OR6N1: variants seen among roughly 807,000 people sequenced by gnomAD.
OR6N1 encodes olfactory receptor 6N1.
For missense variants in OR6N1, 394 were observed against 371.7 expected, an observed-to-expected ratio of 1.06 and a Z score of -0.49; for synonymous variants, 170 against 150.7, an observed-to-expected ratio of 1.13 and a Z score of -0.94.
chr1:158,828,518 T>C, the OR6N1 span, among the ~76,000 whole-genome samples: 11 of 152,222 alleles, frequency 7.2e-5, no homozygotes, highest in Admixed American at 1.3e-4. Flanking sequence ...CCAGGTCATA[T>C]TGATGCAAGA....
chr1:158,814,237 A>G, the OR6N1 span, among the ~76,000 whole-genome samples: 27 of 152,146 alleles, frequency 1.8e-4, no homozygotes, highest in African/African-American at 6.5e-4. Flanking sequence ...TGATTTTAAT[A>G]TTTGGGTAAG....
the OR6N1 span, among the ~76,000 whole-genome samples, chr1:158,784,322 G>T: frequency 5.3e-4 from 80 of 152,134 alleles, no homozygotes; most frequent in East Asian, 0.015. Flanking sequence ...TATTTATAGG[G>T]TAGAGTGCGA....
At chr1:158,780,029 G>C in the OR6N1 span, among the ~76,000 whole-genome samples, 1 of 152,114 alleles carries the variant, frequency 6.6e-6, no homozygotes, top group Non-Finnish European at 1.5e-5. Flanking sequence ...CTAAATTTAA[G>C]TTACATTTTC....
rs1188314357 is a variant in OR6N1 at position 158,764,774 on chromosome 1, G to A, written c.*970C>T. 1.3e-5 allele frequency: 2 copies of A among 152,096 alleles called. No homozygotes were observed. The highest frequency in any genetic ancestry group is 2.9e-5 in the Non-Finnish European group (2 of 67,986). The allele number at this position is 152,096 out of a possible 1,614,324, so 9.4% of individuals were successfully genotyped here. A position where few individuals can be genotyped will look rare whatever the true frequency, so the allele number is the denominator to read the frequency against. ...CAATTCAATAAAGAAATGGTTCGAT[G>A]TAAAAAGTAATCCTATTTCTTTCCA... On this transcript the variant is annotated 3_prime_UTR_variant, in exon 2 of 2. Coordinates refer to ENST00000641846, the MANE Select transcript of OR6N1 (RefSeq NM_001005185.2).
At chr1:158,772,219 A>G (rs1167455889), upstream of OR6N1, 1 of 152,174 alleles carries the variant, frequency 6.6e-6, no homozygotes, top group African/African-American at 2.4e-5. Flanking sequence ...TTAAACCATA[A>G]AACAAATTCT....
the OR6N1 span, among the ~76,000 whole-genome samples, chr1:158,792,147 G>GTAAC: frequency 4.6e-5 from 7 of 152,234 alleles, 1 homozygote; most frequent in East Asian, 1.2e-3. Context: ...ACATTATATA[G>GTAAC]TAACCTTCTT....
the OR6N1 span, among the ~76,000 whole-genome samples, chr1:158,801,719 G>T: frequency 6.6e-6 from 1 of 152,110 alleles, no homozygotes; most frequent in African/African-American, 2.4e-5. Flanking sequence ...TAAAGCCATT[G>T]AAAAATGTTT....
the OR6N1 span, among the ~76,000 whole-genome samples, chr1:158,813,582 T>C: frequency 6.6e-6 from 1 of 151,946 alleles, no homozygotes; most frequent in African/African-American, 2.4e-5. Flanking sequence ...CTATTGTGAA[T>C]ATAGAGGCTG....
At chr1:158,783,718 G>A in the OR6N1 span, among the ~76,000 whole-genome samples, 5 of 152,116 alleles carry the variant, frequency 3.3e-5, no homozygotes, top group African/African-American at 1.2e-4. Context: ...AATGAAGACA[G>A]GGACTGTATT....
At chr1:158,769,384 G>T (rs192965634) in intron 1 of OR6N1, among the ~76,000 whole-genome samples, 2 of 152,088 alleles carry the variant, frequency 1.3e-5, no homozygotes, top group Non-Finnish European at 2.9e-5. Context: ...GGCTGGTCTT[G>T]AACTCCTGGG....
At chr1:158,798,924 G>T in the OR6N1 span, among the ~76,000 whole-genome samples, 3 of 152,250 alleles carry the variant, frequency 2.0e-5, no homozygotes, top group Admixed American at 6.5e-5. Flanking sequence ...GGGCAGGCTG[G>T]CTCCCTGGGA....
the OR6N1 span, among the ~76,000 whole-genome samples, chr1:158,788,968 A>G: frequency 6.6e-6 from 1 of 152,212 alleles, no homozygotes. Context: ...AGGAAATACC[A>G]TAGAAATTGA....
chr1:158,765,734 C>A lies in OR6N1; in HGVS notation c.*10G>T. 6.2e-7 allele frequency: 1 copy of A among 1,603,986 alleles called. No homozygotes were observed. Among genetic ancestry groups the A allele is most frequent in the Non-Finnish European group, 8.5e-7 (1 of 1,172,146 alleles). On this transcript the variant is annotated 3_prime_UTR_variant, in exon 2 of 2. Coordinates refer to ENST00000641846, the MANE Select transcript of OR6N1 (RefSeq NM_001005185.2). ...CTCAGGCCCGGCCTTGGCCTACTCT[C>A]AGCCCCAACTCATGCCAATATCCCA...
At position 158,765,480 on chromosome 1, in the gene OR6N1, C is replaced by A; in HGVS notation, c.*264G>T. ...TTTTAAAAAAAACCTAAGTGTGATA[C>A]ATAAACATCTGAGTTTTGAAAATCA... On this transcript the variant is annotated 3_prime_UTR_variant, in exon 2 of 2. Transcript: ENST00000641846. The A allele has an allele frequency of 2.8e-6, 1 of 352,094 alleles. No homozygotes were observed. Among genetic ancestry groups the A allele is most frequent in the South Asian group, 8.1e-5 (1 of 12,402 alleles). 21.8% of individuals were successfully genotyped at this position (352,094 alleles called of 1,614,324 possible).
chr1:158,830,944 T>A, the OR6N1 span, among the ~76,000 whole-genome samples: 1 of 152,120 alleles, frequency 6.6e-6, no homozygotes, highest in Non-Finnish European at 1.5e-5. Flanking sequence ...CCCACCCCTA[T>A]CCAAGAGATG....
In OR6N1 at chr1:158,765,015, G is replaced by A. The variant is rs532883077; in HGVS notation, c.*729C>T. 1.3e-5 allele frequency: 2 copies of A among 152,028 alleles called. No homozygotes were observed. The highest frequency in any genetic ancestry group is 2.9e-5 in the Non-Finnish European group (2 of 67,954). The allele number at this position is 152,028 out of a possible 1,614,324, so 9.4% of individuals were successfully genotyped here. A position where few individuals can be genotyped will look rare whatever the true frequency, so the allele number is the denominator to read the frequency against. ...ATTTTTGTTTATTTATGTTTTACTA[G>A]ATATTGTTCTAAGACCCAGAGTAAT... On this transcript the variant is annotated 3_prime_UTR_variant, in exon 2 of 2. Transcript: ENST00000641846.
upstream of OR6N1, chr1:158,777,009 G>A: frequency 6.2e-7 from 1 of 1,614,144 alleles, no homozygotes; most frequent in Non-Finnish European, 8.5e-7. Flanking sequence ...AGAAGAAAGT[G>A]ATAAGAATTA....
chr1:158,795,632 T>C, the OR6N1 span, among the ~76,000 whole-genome samples: 2 of 152,158 alleles, frequency 1.3e-5, no homozygotes, highest in Admixed American at 6.5e-5. Context: ...TTGTTCCTTC[T>C]CATATTTTGC....
chr1:158,793,802 A>G, the OR6N1 span, among the ~76,000 whole-genome samples: 1 of 152,226 alleles, frequency 6.6e-6, no homozygotes, highest in Admixed American at 6.5e-5. Flanking sequence ...CAGCTAAAGC[A>G]GGTGGGTAAA....
Sources: allele counts gnomAD v4.1 joint callset (sites outside exome capture counted in the v4.1 genomes callset), GRCh38; gene constraint gnomAD v4.1.1; transcripts MANE v1.5; gene names NCBI Gene and HGNC (gene_info 2026-07-23, HGNC 2026-07-21).